Variants in SMARCA2 observed in about 807,000 individuals in gnomAD.
The protein encoded by SMARCA2 is SWI/SNF-related matrix-associated actin-dependent regulator of chromatin subfamily A member 2.
SMARCA2 carries 61 observed loss-of-function variants against 199.8 expected under a neutral mutation model. That is an observed-to-expected ratio of 0.31 (90% CI 0.25 to 0.38). The LOEUF is 0.38. Ranked by LOEUF, SMARCA2 falls within the 10% of genes least tolerant of loss-of-function variation. The pLI is 1.00. For missense variants in SMARCA2, 1,344 were observed against 2,012.2 expected, an observed-to-expected ratio of 0.67 and a Z score of 6.35; for synonymous variants, 935 against 732.0, an observed-to-expected ratio of 1.28 and a Z score of -4.48.
intron 8 of SMARCA2, 21 bp downstream of exon 8, chr9:2,058,485 G>T (rs192857403): frequency 7.7e-5 from 124 of 1,609,490 alleles, no homozygotes; most frequent in Non-Finnish European, 1.0e-4. Context: ...CCCTGCAGGA[G>T]CCCAGGAAAC....
At chr9:2,038,900 C>A (rs1030657284) in intron 3 of SMARCA2, among the ~76,000 whole-genome samples, 9 of 152,134 alleles carry the variant, frequency 5.9e-5, no homozygotes, top group African/African-American at 1.7e-4. Flanking sequence ...ACCAAGTGTT[C>A]GCTCTTCACC....
chr9:2,164,139 A>G (rs1380152001), intron 28 of SMARCA2, among the ~76,000 whole-genome samples: 1 of 152,086 alleles, frequency 6.6e-6, no homozygotes, highest in Non-Finnish European at 1.5e-5. Context: ...GTCGCCATTT[A>G]CCGTCATGCT....
rs977921819 is a variant in SMARCA2, at chr9:2,123,160, C to T, written c.3763-559C>T. ...ATTGAAAAGTTAGTATATTCATGGC[C>T]AATGGACCAGTGAAACCATTTATGT... On this transcript the variant is annotated intron_variant, in intron 26 of 33. Transcript: ENST00000349721. This position sits in a 1 kb window ranked among gnomAD's most constrained non-coding sequence, Gnocchi z 4.1. 1.4e-4 allele frequency among the ~76,000 whole-genome samples: 21 copies of T among 152,154 alleles called. No individual in the cohort carries two copies. Among genetic ancestry groups the T allele is most frequent in the African/African-American group, 4.8e-4 (20 of 41,440 alleles).
intron 27 of SMARCA2, among the ~76,000 whole-genome samples, chr9:2,133,245 A>G (rs533328620): frequency 6.6e-4 from 101 of 152,348 alleles, no homozygotes; most frequent in African/African-American, 2.3e-3. Flanking sequence ...TATATTTTAG[A>G]AATAATATTT....
chr9:2,187,722 A>G (rs1827572057), intron 32 of SMARCA2, among the ~76,000 whole-genome samples: 1 of 151,980 alleles, frequency 6.6e-6, no homozygotes, highest in Non-Finnish European at 1.5e-5. Flanking sequence ...AAAACATAAA[A>G]TTTCTTCTTT....
At chr9:2,028,807 C>T (rs1470758396) in intron 1 of SMARCA2, among the ~76,000 whole-genome samples, 180 bp from the exon 2 acceptor site, 1 of 152,024 alleles carries the variant, frequency 6.6e-6, no homozygotes, top group African/African-American at 2.4e-5. Flanking sequence ...AACAAGTGGT[C>T]TTCATAAAGA....
intron 9 of SMARCA2, among the ~76,000 whole-genome samples, chr9:2,064,525 A>G (rs987247911): frequency 2.6e-5 from 4 of 152,216 alleles, no homozygotes; most frequent in African/African-American, 4.8e-5. Context: ...TTTTTCTGAA[A>G]ACAAATGTCT....
chr9:2,160,107 C>A, intron 27 of SMARCA2: 1 of 634,526 alleles, frequency 1.6e-6, no homozygotes, highest in South Asian at 2.6e-5. Flanking sequence ...CCAAGATATG[C>A]GGGACAATTT....
chr9:2,098,111 T>C (rs912913667), intron 21 of SMARCA2, among the ~76,000 whole-genome samples: 9 of 152,314 alleles, frequency 5.9e-5, no homozygotes, highest in African/African-American at 1.9e-4. Context: ...GTGGGCACAA[T>C]TGACTGGAGC....
chr9:2,084,742 A>T lies in SMARCA2; in HGVS notation c.2526+546A>T, dbSNP rs573407222. 3.3e-5 allele frequency among the ~76,000 whole-genome samples: 5 copies of T among 152,154 alleles called. No individual in the cohort carries two copies. The East Asian group carries it at 7.7e-4, about 23-fold the overall frequency. On this transcript the variant is annotated intron_variant, in intron 17 of 33. Transcript: ENST00000349721. ...ATAATAGACTATCATTGTTGGAGTT[A>T]CTTAAGGTTGTTTCTGTGACTATTT... is the stretch of plus-strand genomic sequence containing the variant.
chr9:2,057,204 A>C (rs950581840), intron 7 of SMARCA2, among the ~76,000 whole-genome samples: 1 of 152,226 alleles, frequency 6.6e-6, no homozygotes, highest in Non-Finnish European at 1.5e-5. Context: ...TCAGGGTACT[A>C]GCATGGCTGG....
intron 27 of SMARCA2, among the ~76,000 whole-genome samples, chr9:2,127,075 C>T (rs1408443807): frequency 6.6e-6 from 1 of 152,328 alleles, no homozygotes; most frequent in Non-Finnish European, 1.5e-5. Context: ...GAACTTTCCT[C>T]CTCCTTCAAG....
intron 5 of SMARCA2, among the ~76,000 whole-genome samples, chr9:2,052,632 A>G (rs942297032): frequency 5.3e-5 from 8 of 152,224 alleles, no homozygotes; most frequent in Admixed American, 3.3e-4. Flanking sequence ...AAGTCCCTGA[A>G]AAATAGTTTT....
Position 2,084,328 on chromosome 9 carries a change from A to C in SMARCA2, c.2526+132A>C, listed in dbSNP as rs538455456. 8.7e-6 allele frequency: 5 copies of C among 577,358 alleles called. No individual in the cohort carries two copies. In the South Asian group the frequency reaches 1.1e-4, roughly 13 times the overall value. 35.8% of individuals were successfully genotyped at this position (577,358 alleles called of 1,614,324 possible). On this transcript the variant is annotated intron_variant, in intron 17 of 33. Coordinates refer to ENST00000349721, the MANE Select transcript of SMARCA2 (RefSeq NM_003070.5). ...TTCTTTATTTTTCTAAAATTTTTTCAGAGTTTGATATGTTTTGGTCGTGGA... is the reference window on the plus strand; with the variant it reads ...TTCTTTATTTTTCTAAAATTTTTTCCGAGTTTGATATGTTTTGGTCGTGGA...
rs548326140 is a variant in SMARCA2, at chr9:2,022,095, T to C, written c.-37+6691T>C. 5 of 152,262 alleles carry C rather than the reference T, an allele frequency of 3.3e-5. No homozygotes were observed. In the South Asian group the frequency reaches 6.2e-4, roughly 19 times the overall value. 9.4% of individuals were successfully genotyped at this position (152,262 alleles called of 1,614,324 possible). A position where few individuals can be genotyped will look rare whatever the true frequency, so the allele number is the denominator to read the frequency against. On this transcript the variant is annotated intron_variant, in intron 1 of 33. Coordinates refer to ENST00000349721, the MANE Select transcript of SMARCA2 (RefSeq NM_003070.5). Reference sequence around the variant, plus strand: ...AATTTTCAGAAGATAAAGTCGGAGATTGTGGAAAGACTTGACTTGCAGGTT... The same window carrying C: ...AATTTTCAGAAGATAAAGTCGGAGACTGTGGAAAGACTTGACTTGCAGGTT...
rs1364777272 is a variant in SMARCA2 at position 2,104,936 on chromosome 9, A to G, written c.3292+767A>G. On this transcript the variant is annotated intron_variant, in intron 23 of 33. Coordinates refer to ENST00000349721, the MANE Select transcript of SMARCA2 (RefSeq NM_003070.5). The surrounding 1 kb of genome is among the most constrained non-coding windows in gnomAD (Gnocchi z 4.0). ...TAGGAATAGAAGTTAATTTACAGTC[A>G]GGATGCTATTTAATCCCTGGGTAGA... 6.6e-6 allele frequency among the ~76,000 whole-genome samples: 1 copy of G among 152,220 alleles called. No individual in the cohort carries two copies. Among genetic ancestry groups the G allele is most frequent in the Admixed American group, 6.5e-5 (1 of 15,280 alleles).
chr9:2,047,571 G>A (rs1285251304), intron 5 of SMARCA2, 87 bp downstream of exon 5: 1 of 1,195,018 alleles, frequency 8.4e-7, no homozygotes, highest in Non-Finnish European at 1.1e-6. Context: ...TGCCTCCTTG[G>A]TTGGCCAAAC....
chr9:2,182,309 A>G (rs958110936), intron 31 of SMARCA2, 67 bp downstream of exon 31: 10 of 955,272 alleles, frequency 1.0e-5, no homozygotes, highest in African/African-American at 8.2e-5. Context: ...TTTAAGTAGA[A>G]TATTTCATTT....
At chr9:2,138,929 C>A (rs971358748) in intron 27 of SMARCA2, among the ~76,000 whole-genome samples, 24 of 152,090 alleles carry the variant, frequency 1.6e-4, no homozygotes, top group African/African-American at 5.6e-4. Context: ...CTGTTCTTAG[C>A]CGGAGTTTCT....
Sources: gnomAD v4.1 joint callset for allele counts (sites outside exome capture counted in the v4.1 genomes callset) on GRCh38, gnomAD v4.1.1 for gene constraint, Gnocchi (gnomAD v3.1) non-coding constraint, MANE v1.5 for transcripts, NCBI Gene and HGNC (gene_info 2026-07-23, HGNC 2026-07-21) for gene names.